The following AHDC1 variants were observed in gnomAD, a reference collection of about 807,000 sequenced individuals.
The protein encoded by AHDC1 is AT-hook DNA binding motif containing 1, also known as transcription factor Gibbin.
A neutral mutation model predicts 87.9 loss-of-function variants in AHDC1; 7 were observed. That is an observed-to-expected ratio of 0.08 (90% CI 0.05 to 0.15). The LOEUF (loss-of-function observed/expected upper bound fraction) is 0.15, where lower values mean the gene tolerates loss of function less well. Among genes scored for constraint, AHDC1 ranks in the 10% least tolerant of loss-of-function variants. The pLI, the probability that AHDC1 is intolerant of heterozygous loss-of-function variation, is 1.00. For missense variants in AHDC1, 1,841 were observed against 2,253.2 expected, an observed-to-expected ratio of 0.82 and a Z score of 3.70; for synonymous variants, 1,051 against 1,006.8, an observed-to-expected ratio of 1.04 and a Z score of -0.83.
Position 27,551,193 on chromosome 1 carries a change from C to G in AHDC1, c.923G>C (p.Gly308Ala). The G allele has an allele frequency of 4.3e-6, 7 of 1,610,266 alleles. No homozygotes were observed. Among genetic ancestry groups the G allele is most frequent in the Non-Finnish European group, 5.9e-6 (7 of 1,179,386 alleles). The change falls in exon 8 of 9, where the codon GGG becomes GCG. Residue 308 changes from glycine to alanine, a missense_variant. This residue lies in a region of AHDC1 where 370 missense variants were observed against 391.5 expected (regional missense o/e 0.95). Coordinates refer to ENST00000673934, the MANE Select transcript of AHDC1 (RefSeq NM_001371928.1). ...PPLQPLADPL[G>A]LPGLALQALD... ...GGCCTGGAGAGCCAGGCCCGGCAGC[C>G]CCAGAGGATCAGCAAGAGGTTGCAG... is the stretch of plus-strand genomic sequence containing the variant.
chr1:27,593,225 T>A lies in AHDC1; in HGVS notation c.-629+10172A>T, dbSNP rs1464909047. Among the ~76,000 whole-genome samples, 1 of 150,992 alleles carries A rather than the reference T, an allele frequency of 6.6e-6. No individual in the cohort carries two copies. Among genetic ancestry groups the A allele is most frequent in the Non-Finnish European group, 1.5e-5 (1 of 67,686 alleles). On this transcript the variant is annotated intron_variant, in intron 3 of 8. Coordinates refer to ENST00000673934, the MANE Select transcript of AHDC1 (RefSeq NM_001371928.1). The surrounding 1 kb of genome is among the most constrained non-coding windows in gnomAD (Gnocchi z 4.9). ...AGGGGGAGCAGCTCCGTCCCTCCCC[T>A]CCCCCTCCACTCCTCCAGGCAGGCA... is the stretch of plus-strand genomic sequence containing the variant.
intron 3 of AHDC1, among the ~76,000 whole-genome samples, chr1:27,570,296 C>T (rs2020510848): frequency 6.6e-6 from 1 of 152,034 alleles, no homozygotes; most frequent in African/African-American, 2.4e-5. Context: ...CCCCCTTGAG[C>T]TGGCAGCTTC....
intron 3 of AHDC1, among the ~76,000 whole-genome samples, chr1:27,596,859 AC>A (rs569049215): frequency 3.0e-4 from 45 of 151,884 alleles, no homozygotes; most frequent in Admixed American, 2.5e-3. Flanking sequence ...TCACACACAC[AC>A]CCACACACTC....
Position 27,549,371 on chromosome 1 carries a change from C to A in AHDC1, c.2745G>T (p.Leu915=). 6.2e-7 allele frequency: 1 copy of A among 1,613,074 alleles called. No individual in the cohort carries two copies. The highest frequency in any genetic ancestry group is 8.5e-7 in the Non-Finnish European group (1 of 1,179,798). ...AGADPSFQPV[L]SARQTFPPGR... ...CTGGTGGGAAGGTCTGGCGCGCGGA[C>A]AGGACAGGCTGAAAGGAGGGGTCCG... is the stretch of plus-strand genomic sequence containing the variant. Residue 915 remains leucine, a synonymous_variant, in exon 8 of 9, where the codon CTG becomes CTT. Coordinates refer to ENST00000673934, the MANE Select transcript of AHDC1 (RefSeq NM_001371928.1).
chr1:27,583,110 C>T (rs889592826), intron 3 of AHDC1, among the ~76,000 whole-genome samples: 5 of 152,078 alleles, frequency 3.3e-5, no homozygotes, highest in African/African-American at 9.7e-5. Flanking sequence ...TCAGGTAATC[C>T]GCCCACCTCA....
intron 5 of AHDC1, among the ~76,000 whole-genome samples, chr1:27,556,728 G>A (rs1247338257): frequency 6.6e-6 from 1 of 152,112 alleles, no homozygotes; most frequent in Non-Finnish European, 1.5e-5. Flanking sequence ...AATTTAGGTT[G>A]GGCTTCTGTA....
rs1439356901 is a variant in AHDC1 at position 27,551,929 on chromosome 1, G to A, written c.187C>T (p.Pro63Ser). Residue 63 changes from proline to serine, a missense_variant, in exon 8 of 9, where the codon CCA becomes TCA. This residue lies in a region of AHDC1 where 142 missense variants were observed against 165.6 expected (regional missense o/e 0.86). Coordinates refer to ENST00000673934, the MANE Select transcript of AHDC1 (RefSeq NM_001371928.1). ...STHAFSENPR[P>S]PPRRDPSTRR... ...GTGCTGGGGTCCCGGCGTGGGGGTG[G>A]GCGTGGGTTCTCGGAGAAGGCGTGG... 1 of 1,572,434 alleles carries A rather than the reference G, an allele frequency of 6.4e-7. No homozygotes were observed. Among genetic ancestry groups the A allele is most frequent in the Non-Finnish European group, 8.6e-7 (1 of 1,158,286 alleles).
intron 3 of AHDC1, among the ~76,000 whole-genome samples, chr1:27,567,140 T>C (rs561885458): frequency 1.3e-5 from 2 of 152,132 alleles, no homozygotes; most frequent in South Asian, 4.1e-4. Context: ...CTGGGGACCC[T>C]CCTCCTCTCT....
chr1:27,574,663 T>C (rs534448281), intron 3 of AHDC1, among the ~76,000 whole-genome samples: 51 of 151,996 alleles, frequency 3.4e-4, no homozygotes, highest in African/African-American at 1.2e-3. Flanking sequence ...GGGAGAAGGG[T>C]CCACCATCAG....
At chr1:27,542,962 AC>A (rs2018996667) in intron 8 of AHDC1, among the ~76,000 whole-genome samples, 1 of 152,254 alleles carries the variant, frequency 6.6e-6, no homozygotes, top group South Asian at 2.1e-4. Context: ...CTGGGCCCTG[AC>A]GTAAGGCCTC....
chr1:27,541,001 TAAAAAA>T (rs55912405), intron 8 of AHDC1, among the ~76,000 whole-genome samples: 1 of 72,368 alleles, frequency 1.4e-5, no homozygotes, highest in Non-Finnish European at 2.4e-5. Flanking sequence ...CTAAAAATGC[TAAAAAA>T]AAAAAAAAAA....
intron 3 of AHDC1, among the ~76,000 whole-genome samples, chr1:27,582,999 G>A (rs925003709): frequency 2.0e-5 from 3 of 152,062 alleles, no homozygotes; most frequent in East Asian, 1.9e-4. Flanking sequence ...TGCAACCTCC[G>A]CCTCCTGGGT....
At chr1:27,568,402 T>G (rs946921125) in intron 3 of AHDC1, 1 of 152,214 alleles carries the variant, frequency 6.6e-6, no homozygotes, top group Non-Finnish European at 1.5e-5. Context: ...GAGAGAGGTC[T>G]TGTGAGGAGC....
chr1:27,555,387 G>C (rs1022026919), intron 5 of AHDC1, among the ~76,000 whole-genome samples: 2 of 152,146 alleles, frequency 1.3e-5, no homozygotes, highest in East Asian at 1.9e-4. Context: ...GGGGCCCTTT[G>C]GTTGCCCACC....
At chr1:27,596,923 G>C (rs1256820931) in intron 3 of AHDC1, among the ~76,000 whole-genome samples, 2 of 151,988 alleles carry the variant, frequency 1.3e-5, no homozygotes, top group African/African-American at 4.8e-5. Context: ...CATACACCCA[G>C]TCTCTCTCAC....
chr1:27,590,137 G>A lies in AHDC1; in HGVS notation c.-629+13260C>T, dbSNP rs1023929772. On this transcript the variant is annotated intron_variant, in intron 3 of 8. Coordinates refer to ENST00000673934, the MANE Select transcript of AHDC1 (RefSeq NM_001371928.1). The surrounding 1 kb of genome is among the most constrained non-coding windows in gnomAD (Gnocchi z 5.4). ...TCCTTCTCCTGGAGGGGAGGGATGA[G>A]CTGCAGGCCCCGGCCGGGATTTTCC... 6.8e-6 allele frequency among the ~76,000 whole-genome samples: 1 copy of A among 148,130 alleles called. No individual in the cohort carries two copies. Among genetic ancestry groups the A allele is most frequent in the African/African-American group, 2.7e-5 (1 of 37,484 alleles).
At chr1:27,539,138 CTTT>C (rs112072152) in intron 8 of AHDC1, among the ~76,000 whole-genome samples, 5 of 125,348 alleles carry the variant, frequency 4.0e-5, no homozygotes, top group African/African-American at 3.0e-5. Flanking sequence ...TTTTTCTTTT[CTTT>C]TTTTTTTTTT....
At chr1:27,600,634 A>G (rs1327628953) in intron 3 of AHDC1, among the ~76,000 whole-genome samples, 1 of 152,122 alleles carries the variant, frequency 6.6e-6, no homozygotes, top group Non-Finnish European at 1.5e-5. Flanking sequence ...GGAGAACAAC[A>G]ATGTCCCTCT....
Position 27,534,309 on chromosome 1 carries a change from A to G in AHDC1, c.*651T>C, listed in dbSNP as rs1187106613. On this transcript the variant is annotated 3_prime_UTR_variant, in exon 9 of 9. Coordinates refer to ENST00000673934, the MANE Select transcript of AHDC1 (RefSeq NM_001371928.1). ...CTTTTTTTCATTTCTTTTTAATACA[A>G]ACTTGGATCTTTGGGTGTGTCCTGC... 6.8e-6 allele frequency: 1 copy of G among 146,934 alleles called. No individual in the cohort carries two copies. Among genetic ancestry groups the G allele is most frequent in the African/African-American group, 2.5e-5 (1 of 39,422 alleles). 9.1% of individuals were successfully genotyped at this position (146,934 alleles called of 1,614,324 possible). A position where few individuals can be genotyped will look rare whatever the true frequency, so the allele number is the denominator to read the frequency against.
Sources: allele counts gnomAD v4.1 joint callset (sites outside exome capture counted in the v4.1 genomes callset), GRCh38; gene constraint gnomAD v4.1.1; regional missense constraint gnomAD v4.1.1; non-coding constraint Gnocchi (gnomAD v3.1); transcripts MANE v1.5; gene names NCBI Gene and HGNC (gene_info 2026-07-23, HGNC 2026-07-21).